The following SLCO1B1 variants were observed in gnomAD, a reference collection of about 807,000 sequenced individuals.
The protein encoded by SLCO1B1 is solute carrier organic anion transporter family member 1B1, also known as OATP-2.
Under a neutral mutation model 70.1 loss-of-function variants are expected in SLCO1B1, and 81 were observed. The observed-to-expected ratio is 1.16, with a 90% CI of 0.97 to 1.39. The LOEUF is 1.39. Ranked by LOEUF, SLCO1B1 falls within the 40% of genes most tolerant of loss-of-function variation. The pLI is 0.00. For missense variants in SLCO1B1, 895 were observed against 799.6 expected, an observed-to-expected ratio of 1.12 and a Z score of -1.44; for synonymous variants, 283 against 271.5, an observed-to-expected ratio of 1.04 and a Z score of -0.42.
intron 7 of SLCO1B1, among the ~76,000 whole-genome samples, chr12:21,183,206 A>G (rs1232206563): frequency 6.6e-6 from 1 of 150,994 alleles, no homozygotes; most frequent in Non-Finnish European, 1.5e-5. Context: ...ACATCTGCCT[A>G]TATATTTGAG....
At chr12:21,168,038 G>C (rs955313574) in intron 2 of SLCO1B1, among the ~76,000 whole-genome samples, 1 of 151,548 alleles carries the variant, frequency 6.6e-6, no homozygotes, top group Admixed American at 6.6e-5. Flanking sequence ...GGCTAGGCTG[G>C]TCTCAAACTC....
At chr12:21,216,632 C>T (rs1394265523) in intron 11 of SLCO1B1, among the ~76,000 whole-genome samples, 1 of 152,122 alleles carries the variant, frequency 6.6e-6, no homozygotes, top group African/African-American at 2.4e-5. Flanking sequence ...CTACCTGTCT[C>T]TATTTTTCCT....
intron 2 of SLCO1B1, chr12:21,164,823 A>T (rs1023513623): frequency 2.0e-6 from 1 of 491,674 alleles, no homozygotes; most frequent in Non-Finnish European, 4.1e-6. Flanking sequence ...GTAAGGTCAG[A>T]ATAGTCCCTT....
chr12:21,233,151 T>C (rs1353202514), intron 14 of SLCO1B1, among the ~76,000 whole-genome samples: 1 of 152,114 alleles, frequency 6.6e-6, no homozygotes, highest in Non-Finnish European at 1.5e-5. Flanking sequence ...ACTCAAGATG[T>C]GGAGGGCTAA....
At position 21,140,710 on chromosome 12, in the gene SLCO1B1, A is replaced by T. The variant is rs547527400; in HGVS notation, c.-61-804A>T. ...TAAGATTAAGTATATAGAGAAGATA[A>T]AAAGGTAGAGAATGATGTTTAAGGT... On this transcript the variant is annotated intron_variant, in intron 1 of 14. Transcript: ENST00000256958. Among the ~76,000 whole-genome samples, 16 of 152,156 alleles carry T rather than the reference A, an allele frequency of 1.1e-4. No individual in the cohort carries two copies. In the South Asian group the frequency reaches 3.3e-3, roughly 31 times the overall value.
At chr12:21,149,686 T>A (rs1362689200) in intron 2 of SLCO1B1, among the ~76,000 whole-genome samples, 2 of 152,150 alleles carry the variant, frequency 1.3e-5, no homozygotes, top group African/African-American at 4.8e-5. Flanking sequence ...TACTATGCTT[T>A]TCCCAGTCTT....
rs1242019427 is a variant in SLCO1B1 at position 21,197,096 on chromosome 12, C to T, written c.878C>T (p.Ser293Leu). The T allele has an allele frequency of 1.9e-6, 3 of 1,613,678 alleles. No homozygotes were observed. The East Asian group carries it at 6.7e-5, about 36-fold the overall frequency. Residue 293 changes from serine to leucine, a missense_variant, in exon 8 of 15, where the codon TCA becomes TTA. Transcript: ENST00000256958. ...PNKPQKERKA[S>L]LSLHVLETND... ...AAACCACAAAAAGAAAGAAAAGCTT[C>T]ACTGTCTTTGCATGTGCTGGAAACA...
intron 2 of SLCO1B1, among the ~76,000 whole-genome samples, chr12:21,162,840 C>T (rs1940637955): frequency 6.6e-6 from 1 of 152,060 alleles, no homozygotes; most frequent in African/African-American, 2.4e-5. Context: ...GGAATAGTTC[C>T]TGAAAAATAG....
chr12:21,214,793 A>G lies in SLCO1B1; in HGVS notation c.1498-2326A>G, dbSNP rs540066353. Among the ~76,000 whole-genome samples the G allele has an allele frequency of 1.3e-3, 191 of 152,246 alleles. 1 individual carries two copies. Among genetic ancestry groups the G allele is most frequent in the African/African-American group, 4.3e-3 (179 of 41,560 alleles). On this transcript the variant is annotated intron_variant, in intron 11 of 14. Transcript: ENST00000256958. ...CGCCGTTTTTTAAGCCCCTCGGAAA[A>G]GCGCAGTATTCGGGTGGGAGTGACC...
intron 7 of SLCO1B1, among the ~76,000 whole-genome samples, chr12:21,181,383 T>C (rs2121113115): frequency 6.6e-6 from 1 of 152,308 alleles, no homozygotes; most frequent in African/African-American, 2.4e-5. Context: ...GATGAATAAA[T>C]ACTTTGCATG....
intron 14 of SLCO1B1, among the ~76,000 whole-genome samples, chr12:21,237,157 ACT>A (rs1323630143): frequency 6.6e-6 from 1 of 151,992 alleles, no homozygotes; most frequent in Non-Finnish European, 1.5e-5. Flanking sequence ...AGTCTATATG[ACT>A]CTGATTTTAT....
intron 3 of SLCO1B1, 82 bp downstream of exon 3, chr12:21,172,873 G>A (rs1156923912): frequency 1.4e-5 from 18 of 1,322,648 alleles, no homozygotes; most frequent in Non-Finnish European, 1.8e-5. Flanking sequence ...TATCAACTGG[G>A]GTAAATTTAT....
chr12:21,187,610 GGCAGA>G (rs1490258975), intron 7 of SLCO1B1, among the ~76,000 whole-genome samples: 1 of 151,894 alleles, frequency 6.6e-6, no homozygotes, highest in Non-Finnish European at 1.5e-5. Context: ...AATCCTGATA[GGCAGA>G]ACATCATAAA....
rs57040246 is a variant in SLCO1B1 at position 21,200,623 on chromosome 12, C to T, written c.1086C>T (p.Tyr362=). The part of the protein sequence containing the change: ...YIGAFTYVFK[Y]VEQQYGQPSS... ...GTGCTTTTACTTATGTCTTCAAATA[C>T]GTAGAGCAACAGTATGGTCAGCCTT... Residue 362 remains tyrosine (Y), a synonymous_variant, in exon 9 of 15, where the codon TAC becomes TAT. Transcript: ENST00000256958. 3.1e-3 allele frequency: 5,043 copies of T among 1,611,978 alleles called. 128 individuals carry two copies. The African/African-American group carries it at 0.059, about 19-fold the overall frequency.
chr12:21,195,109 G>A (rs1443095587), intron 7 of SLCO1B1, among the ~76,000 whole-genome samples: 1 of 152,160 alleles, frequency 6.6e-6, no homozygotes, highest in Admixed American at 6.5e-5. Flanking sequence ...CAGGAGATTT[G>A]AACAAGACAA....
intron 14 of SLCO1B1, 39 bp from the exon 15 acceptor site, chr12:21,238,940 T>G (rs1319783085): frequency 7.8e-7 from 1 of 1,289,532 alleles, no homozygotes; most frequent in South Asian, 1.3e-5. Context: ...TACACACAAT[T>G]TAAACTGATT....
intron 14 of SLCO1B1, among the ~76,000 whole-genome samples, chr12:21,229,256 G>GTCCACAT (rs1197375111): frequency 1.3e-5 from 2 of 150,926 alleles, no homozygotes; most frequent in Non-Finnish European, 2.9e-5. Flanking sequence ...ATCTCCCAGA[G>GTCCACAT]TCCACAGTTT....
At chr12:21,147,201 T>C (rs1940399065) in intron 2 of SLCO1B1, among the ~76,000 whole-genome samples, 2 of 152,202 alleles carry the variant, frequency 1.3e-5, no homozygotes, top group Admixed American at 6.5e-5. Context: ...TTCCTTGCTT[T>C]AGAGTCTGCT....
At chr12:21,226,864 A>G (rs547645228) in intron 14 of SLCO1B1, among the ~76,000 whole-genome samples, 2 of 152,264 alleles carry the variant, frequency 1.3e-5, no homozygotes, top group East Asian at 3.9e-4. Context: ...CTGTAAATCT[A>G]AAATTTCTGT....
Sources: gnomAD v4.1 joint callset for allele counts (sites outside exome capture counted in the v4.1 genomes callset) on GRCh38, gnomAD v4.1.1 for gene constraint, MANE v1.5 for transcripts, NCBI Gene and HGNC (gene_info 2026-07-23, HGNC 2026-07-21) for gene names.